The following CFAP65 variants were observed in gnomAD, a reference collection of about 807,000 sequenced individuals.
CFAP65 encodes the protein cilia and flagella associated protein 65, also known as cilia- and flagella-associated protein 65.
CFAP65 carries 155 observed loss-of-function variants against 208.0 expected under a neutral mutation model. The observed-to-expected ratio is 0.75, with a 90% CI of 0.65 to 0.85. CFAP65 has a LOEUF of 0.85. Among genes scored for constraint, CFAP65 ranks in the 40% least tolerant of loss-of-function variants. The pLI is 0.00. For synonymous variants in CFAP65, 970 were observed against 986.3 expected (o/e 0.98, Z 0.31); for missense variants, 2,294 against 2,451.3 (o/e 0.94, Z 1.36).
chr2:219,026,129 C>T lies in CFAP65; in HGVS notation c.2242G>A (p.Asp748Asn), dbSNP rs1947615467. Residue 748 changes from aspartate to asparagine, a missense_variant, in exon 14 of 35, where the codon GAC becomes AAC. Asp to Asn is a conservative substitution (Grantham distance 23). Around this residue, in one of 2 missense-constraint regions of CFAP65, gnomAD observed 867 missense variants for 1,012.6 expected, o/e 0.86. Coordinates refer to ENST00000341552, the MANE Select transcript of CFAP65 (RefSeq NM_194302.4). Reference sequence around the variant, plus strand: ...CACCAGGATGGGCACATGGTGCAGTCCTCCTCAATATTACTGTAGCTCTGC... The same window carrying T: ...CACCAGGATGGGCACATGGTGCAGTTCTCCTCAATATTACTGTAGCTCTGC... ...VLQSYSNIEE[D>N]CTMCPSWCLT... The T allele has an allele frequency of 6.2e-7, 1 of 1,613,816 alleles. No individual in the cohort carries two copies. The highest frequency in any genetic ancestry group is 1.7e-5 in the Admixed American group (1 of 60,010).
chr2:219,008,928 C>A (rs1946227319), intron 29 of CFAP65, 119 bp downstream of exon 29: 2 of 726,744 alleles, frequency 2.8e-6, no homozygotes, highest in Non-Finnish European at 4.9e-6. Context: ...GAAATGTAAT[C>A]TCTTAGGGCA....
rs182218982 is a variant in CFAP65 at position 219,019,269 on chromosome 2, T to A, written c.3474-90A>T. The A allele has an allele frequency of 2.6e-4, 380 of 1,467,702 alleles. No individual in the cohort carries two copies. The African/African-American group carries it at 4.8e-3, about 18-fold the overall frequency. The allele number at this position is 1,467,702 out of a possible 1,614,324, so 90.9% of individuals were successfully genotyped here. A position where few individuals can be genotyped will look rare whatever the true frequency, so the allele number is the denominator to read the frequency against. On this transcript the variant is annotated intron_variant, in intron 20 of 34. Coordinates refer to ENST00000341552, the MANE Select transcript of CFAP65 (RefSeq NM_194302.4). ...TGGCTGGCTTGGGCACTCCCCTCCC[T>A]CCAAGTGGGAACTGGAGAATCTGGG...
At position 219,013,268 on chromosome 2, in the gene CFAP65, G is replaced by A. The variant is rs1184801735; in HGVS notation, c.3948C>T (p.Pro1316=). Residue 1316 remains proline (P), a synonymous_variant, in exon 24 of 35, where the codon CCC becomes CCT. Transcript: ENST00000341552. ...FIPIPIGDTL[P]PRQIYELYNG... ...AATGTGGACCACTGACCTGCCGTGG[G>A]GGTAGCGTGTCACCAATGGGAATGG... 2 of 1,611,972 alleles carry A rather than the reference G, an allele frequency of 1.2e-6. No homozygotes were observed. Among genetic ancestry groups the A allele is most frequent in the Non-Finnish European group, 1.7e-6 (2 of 1,178,294 alleles).
intron 9 of CFAP65, 149 bp downstream of exon 9, chr2:219,030,540 G>T: frequency 9.1e-7 from 1 of 1,099,312 alleles, no homozygotes; most frequent in Non-Finnish European, 1.3e-6. Context: ...CTGAGGAGAA[G>T]GACACACCTG....
Position 219,035,674 on chromosome 2 carries a change from T to C in CFAP65, c.358-10A>G. On this transcript the variant is annotated splice_polypyrimidine_tract_variant and intron_variant, in intron 4 of 34. Coordinates refer to ENST00000341552, the MANE Select transcript of CFAP65 (RefSeq NM_194302.4). Reference sequence around the variant, plus strand: ...CCATGGAGCTTGCGGGCTGTTCAGGTGGCAGGGAGAAGGGGGAGCAGAAAG... The same window carrying C: ...CCATGGAGCTTGCGGGCTGTTCAGGCGGCAGGGAGAAGGGGGAGCAGAAAG... 6.2e-7 allele frequency: 1 copy of C among 1,604,992 alleles called. No individual in the cohort carries two copies. Among genetic ancestry groups the C allele is most frequent in the South Asian group, 1.1e-5 (1 of 90,064 alleles).
chr2:219,011,868 C>T (rs1946511105), intron 24 of CFAP65, among the ~76,000 whole-genome samples: 1 of 152,204 alleles, frequency 6.6e-6, no homozygotes. Context: ...GGGTTAAATG[C>T]TTGTGTCCCC....
chr2:219,012,127 A>C (rs1001246165), intron 24 of CFAP65, among the ~76,000 whole-genome samples: 2 of 152,200 alleles, frequency 1.3e-5, no homozygotes, highest in African/African-American at 2.4e-5. Context: ...AATTAAGATA[A>C]ATTATAATAA....
rs374891392 is a variant in CFAP65, at chr2:219,026,097, C to T, written c.2274G>A (p.Thr758=). 87 of 1,614,042 alleles carry T rather than the reference C, an allele frequency of 5.4e-5. 1 individual carries two copies. In the East Asian group the frequency reaches 1.1e-3, roughly 21 times the overall value. The change falls in exon 14 of 35, where the codon ACG becomes ACA. Residue 758 remains threonine, a synonymous_variant. Transcript: ENST00000341552. ...DCTMCPSWCL[T]VRARGHSYFA... is the part of the protein sequence containing the mutation. ...AATAGCTGTGGCCTCGTGCCCGCAC[C>T]GTCAGGCACCAGGATGGGCACATGG...
At position 219,013,338 on chromosome 2, in the gene CFAP65, T is replaced by C. The variant is rs368260850; in HGVS notation, c.3878A>G (p.Glu1293Gly). ...LNFIGVTVKPEQKYVHFTSTT... is the reference protein window; with the variant it reads ...LNFIGVTVKPGQKYVHFTSTT... The stretch of plus-strand genomic sequence containing the variant: ...AGAGGTGAAGTGCACATACTTCTGC[T>C]CCGGCTTCACTGTCACACCTATGAA... The change falls in exon 24 of 35, where the codon GAG (glutamate) becomes GGG (glycine). Residue 1293 changes from glutamate (E) to glycine (G), a missense_variant. Physicochemically the swap from Glu to Gly is moderately conservative, Grantham distance 98 (BLOSUM62 -2). Coordinates refer to ENST00000341552, the MANE Select transcript of CFAP65 (RefSeq NM_194302.4). The C allele has an allele frequency of 9.9e-6, 16 of 1,613,902 alleles. 1 individual carries two copies. In the African/African-American group the frequency reaches 1.9e-4, roughly 19 times the overall value.
intron 14 of CFAP65, among the ~76,000 whole-genome samples, chr2:219,024,572 G>T (rs1292411400): frequency 6.6e-6 from 1 of 152,162 alleles, no homozygotes; most frequent in Non-Finnish European, 1.5e-5. Flanking sequence ...TCATTTTAGG[G>T]TGTCTTTGCA....
At chr2:219,036,789 C>T (rs2106266248) in intron 4 of CFAP65, among the ~76,000 whole-genome samples, 1 of 152,256 alleles carries the variant, frequency 6.6e-6, no homozygotes, top group Non-Finnish European at 1.5e-5. Flanking sequence ...TATATTGTTG[C>T]ATAATATAAG....
At chr2:219,011,672 A>T (rs1946496330) in intron 24 of CFAP65, among the ~76,000 whole-genome samples, 1 of 152,236 alleles carries the variant, frequency 6.6e-6, no homozygotes, top group Admixed American at 6.5e-5. Context: ...AGAATGTCCT[A>T]GAAGAAACCA....
At chr2:219,008,755 T>G (rs1209598071) in intron 29 of CFAP65, among the ~76,000 whole-genome samples, 1 of 151,878 alleles carries the variant, frequency 6.6e-6, no homozygotes, top group Non-Finnish European at 1.5e-5. Flanking sequence ...AAAATAAAAA[T>G]AAAATGTGAG....
Position 219,032,444 on chromosome 2 carries a change from C to A in CFAP65, c.645+26G>T. ...GTCACTGCTCCCAGGTACCTCCCTGCCCTCACTCGCTGTGGCAGACCTTAC... is the reference window on the plus strand; with the variant it reads ...GTCACTGCTCCCAGGTACCTCCCTGACCTCACTCGCTGTGGCAGACCTTAC... On this transcript the variant is annotated intron_variant, in intron 6 of 34. Transcript: ENST00000341552. This position sits in a 1 kb window ranked among gnomAD's most constrained non-coding sequence, Gnocchi z 5.5. 1 of 1,554,040 alleles carries A rather than the reference C, an allele frequency of 6.4e-7. No homozygotes were observed. Among genetic ancestry groups the A allele is most frequent in the Non-Finnish European group, 8.7e-7 (1 of 1,146,638 alleles).
intron 14 of CFAP65, among the ~76,000 whole-genome samples, chr2:219,025,197 A>G (rs1947551799): frequency 6.6e-6 from 1 of 152,168 alleles, no homozygotes; most frequent in Non-Finnish European, 1.5e-5. Flanking sequence ...CATAAAGGCC[A>G]CAACCCACCA....
chr2:219,010,790 C>T lies in CFAP65; in HGVS notation c.4149+15G>A. ...GCACCACCCCACCTCCCACGTCATC[C>T]AGGTTGCTGCTCACCGTGTAGGTCT... On this transcript the variant is annotated intron_variant, in intron 25 of 34. Transcript: ENST00000341552. The T allele has an allele frequency of 6.3e-7, 1 of 1,595,544 alleles. No individual in the cohort carries two copies. The highest frequency in any genetic ancestry group is 8.6e-7 in the Non-Finnish European group (1 of 1,167,084).
In CFAP65 at chr2:219,032,506, G is replaced by C. The variant is rs1948116142; in HGVS notation, c.609C>G (p.Thr203=). The change falls in exon 6 of 35, where the codon ACC becomes ACG. Residue 203 remains threonine, a synonymous_variant. Transcript: ENST00000341552. The surrounding 1 kb of genome is among the most constrained non-coding windows in gnomAD (Gnocchi z 5.5). ...PQPIFLSPGI[T]LTLPIVFRPL... is the part of the protein sequence containing the mutation. ...GCCGGAAGACGATGGGGAGCGTGAGGGTTATGCCTGGGCTCAGGAAGATGG... is the reference window on the plus strand; with the variant it reads ...GCCGGAAGACGATGGGGAGCGTGAGCGTTATGCCTGGGCTCAGGAAGATGG... 1.9e-6 allele frequency: 3 copies of C among 1,605,740 alleles called. No individual in the cohort carries two copies. The highest frequency in any genetic ancestry group is 1.7e-5 in the Admixed American group (1 of 58,894).
chr2:219,037,857 T>A (rs1373276649), intron 4 of CFAP65, among the ~76,000 whole-genome samples: 1 of 152,088 alleles, frequency 6.6e-6, no homozygotes, highest in South Asian at 2.1e-4. Flanking sequence ...GCCATACCCA[T>A]AGTCAAACCC....
At chr2:219,005,976 G>A in intron 31 of CFAP65, 45 bp downstream of exon 31, 1 of 1,582,516 alleles carries the variant, frequency 6.3e-7, no homozygotes, top group East Asian at 2.3e-5. Context: ...TGGAAGAGGG[G>A]ACAGAGAGAA....
Sources: gnomAD v4.1 joint callset for allele counts (sites outside exome capture counted in the v4.1 genomes callset) on GRCh38, gnomAD v4.1.1 for gene constraint, gnomAD v4.1.1 regional missense constraint, Gnocchi (gnomAD v3.1) non-coding constraint, MANE v1.5 for transcripts, NCBI Gene and HGNC (gene_info 2026-07-23, HGNC 2026-07-21) for gene names.